Variants in ZNF570 observed in about 807,000 individuals in gnomAD.
ZNF570 encodes the protein zinc finger protein 570.
In ZNF570, 8 loss-of-function variants were observed where a neutral mutation model predicts 14.2. The observed-to-expected ratio is 0.56, with a 90% CI of 0.33 to 1.02. ZNF570 has a LOEUF of 1.02. Among genes scored for constraint, ZNF570 ranks in the 50% least tolerant of loss-of-function variants. ZNF570 has a pLI of 0.03. For synonymous variants in ZNF570, 202 were observed against 207.6 expected, an observed-to-expected ratio of 0.97 and a Z score of 0.23; for missense variants, 559 against 624.9, an observed-to-expected ratio of 0.89 and a Z score of 1.12.
upstream of ZNF570, chr19:37,469,331 C>T (rs2041912162): frequency 2.8e-6 from 4 of 1,418,588 alleles, no homozygotes; most frequent in Middle Eastern, 1.9e-4. Context: ...CCTTTGTGTC[C>T]TCCGGGGGCG....
At position 37,484,174 on chromosome 19, in the gene ZNF570, C is replaced by G. The variant is rs773936496; in HGVS notation, c.552C>G (p.Pro184=). 1 of 1,613,600 alleles carries G rather than the reference C, an allele frequency of 6.2e-7. No homozygotes were observed. The highest frequency in any genetic ancestry group is 1.1e-5 in the South Asian group (1 of 91,018). The change falls in exon 5 of 5, where the codon CCC becomes CCG. Residue 184 remains proline, a synonymous_variant. Transcript: ENST00000330173. ...NPLLCTQKII[P]KEEKVHKHDT... is the part of the protein sequence containing the mutation. ...TGCTTTGTACACAAAAGATAATCCC[C>G]AAAGAGGAGAAAGTACATAAACATG...
intron 4 of ZNF570, among the ~76,000 whole-genome samples, chr19:37,482,815 T>TTCTCTCTC (rs35690455): frequency 7.1e-6 from 1 of 141,624 alleles, no homozygotes; most frequent in African/African-American, 2.6e-5. Context: ...TTCCCCTGCT[T>TTCTCTCTC]TCTCTCTCTC....
At chr19:37,467,908 C>A (rs1471503398), upstream of ZNF570, 4 of 1,535,952 alleles carry the variant, frequency 2.6e-6, no homozygotes, top group Non-Finnish European at 3.5e-6. Flanking sequence ...TGTATTTGTT[C>A]TTTCTGGACT....
chr19:37,483,407 A>G (rs977408682), intron 4 of ZNF570, among the ~76,000 whole-genome samples: 1 of 152,238 alleles, frequency 6.6e-6, no homozygotes, highest in African/African-American at 2.4e-5. Context: ...ATCTTCTAAC[A>G]TAAAATGAAA....
At chr19:37,482,117 C>T (rs1004531420) in intron 4 of ZNF570, among the ~76,000 whole-genome samples, 2 of 152,136 alleles carry the variant, frequency 1.3e-5, no homozygotes, top group Admixed American at 1.3e-4. Flanking sequence ...ATTTCCTCCT[C>T]GTTTAAGGCT....
chr19:37,488,003 C>T lies in ZNF570; in HGVS notation c.*2770C>T, dbSNP rs1292724916. 2.6e-5 allele frequency: 4 copies of T among 152,202 alleles called. No homozygotes were observed. Among genetic ancestry groups the T allele is most frequent in the Non-Finnish European group, 5.9e-5 (4 of 68,034 alleles). The allele number at this position is 152,202 out of a possible 1,614,324, so 9.4% of individuals were successfully genotyped here. A position where few individuals can be genotyped will look rare whatever the true frequency, so the allele number is the denominator to read the frequency against. On this transcript the variant is annotated 3_prime_UTR_variant, in exon 5 of 5. Transcript: ENST00000330173. Reference sequence around the variant, plus strand: ...CTGGAAAGATGTGGAGCAATAGGAACACTCATACGGTGCTATAGGAAGTAG... The same window carrying T: ...CTGGAAAGATGTGGAGCAATAGGAATACTCATACGGTGCTATAGGAAGTAG...
In ZNF570 at chr19:37,485,452, G is replaced by A. The variant is rs533825725; in HGVS notation, c.*219G>A. On this transcript the variant is annotated 3_prime_UTR_variant, in exon 5 of 5. Coordinates refer to ENST00000330173, the MANE Select transcript of ZNF570 (RefSeq NM_144694.5). ...AGACAATGTCTTGCTGTGTTGCCCA[G>A]GCTGGAGTACAGTGGGACGATCTCA... The A allele has an allele frequency of 1.0e-4, 47 of 461,020 alleles. No homozygotes were observed. The South Asian group carries it at 1.9e-3, about 19-fold the overall frequency. The allele number at this position is 461,020 out of a possible 1,614,324, so 28.6% of individuals were successfully genotyped here.
chr19:37,468,069 G>GTT (rs1360984256), upstream of ZNF570: 1 of 668,752 alleles, frequency 1.5e-6, no homozygotes, highest in East Asian at 3.0e-5. Context: ...TATGCCTTTC[G>GTT]TGTTTTTTTT....
At chr19:37,474,970 T>G (rs2042007260) in intron 2 of ZNF570, among the ~76,000 whole-genome samples, 1 of 149,942 alleles carries the variant, frequency 6.7e-6, no homozygotes, top group African/African-American at 2.5e-5. Context: ...TGTTTTTGTT[T>G]TTTTTTTTTT....
At chr19:37,475,224 A>T (rs538548150) in intron 2 of ZNF570, among the ~76,000 whole-genome samples, 1 of 151,950 alleles carries the variant, frequency 6.6e-6, no homozygotes, top group East Asian at 1.9e-4. Context: ...TTGGCCTCCC[A>T]AAGTGCTGGG....
intron 1 of ZNF570, 180 bp downstream of exon 1, chr19:37,469,737 G>C (rs2041923170): frequency 3.0e-6 from 2 of 672,988 alleles, no homozygotes. Flanking sequence ...TGGGTTGTGA[G>C]ATTGTCGCTT....
rs2042115071 is a variant in ZNF570, at chr19:37,483,914, C to A, written c.292C>A (p.Pro98Thr). Reference protein sequence around the residue: ...EPICETEELTPKQDFYEEHQS... With the variant: ...EPICETEELTTKQDFYEEHQS... ...TATATGTGAGACTGAAGAATTAACC[C>A]CAAAGCAGGATTTTTATGAAGAACA... Residue 98 changes from proline (P) to threonine (T), a missense_variant, in exon 5 of 5, where the codon CCA (proline) becomes ACA (threonine). Pro to Thr is a conservative substitution (Grantham distance 38). Transcript: ENST00000330173. 2.5e-6 allele frequency: 4 copies of A among 1,612,602 alleles called. No homozygotes were observed. In the East Asian group the frequency reaches 8.9e-5, roughly 36 times the overall value.
At chr19:37,475,066 C>A (rs1006419846) in intron 2 of ZNF570, among the ~76,000 whole-genome samples, 1 of 151,424 alleles carries the variant, frequency 6.6e-6, no homozygotes, top group Non-Finnish European at 1.5e-5. Flanking sequence ...TGGGTTCAAG[C>A]GATTCTCCTG....
At chr19:37,481,121 TAGA>T (rs2042082853) in intron 4 of ZNF570, among the ~76,000 whole-genome samples, 1 of 152,136 alleles carries the variant, frequency 6.6e-6, no homozygotes, top group Non-Finnish European at 1.5e-5. Flanking sequence ...CTGTCATGCA[TAGA>T]AGAAGCTTTC....
At chr19:37,469,689 G>A in intron 1 of ZNF570, 132 bp downstream of exon 1, 3 of 953,000 alleles carry the variant, frequency 3.1e-6, no homozygotes, top group Non-Finnish European at 4.7e-6. Context: ...ACTGTTCGCT[G>A]CACCTTGTTG....
intron 4 of ZNF570, among the ~76,000 whole-genome samples, chr19:37,478,014 A>G (rs1014181779): frequency 3.3e-5 from 5 of 152,208 alleles, no homozygotes; most frequent in Non-Finnish European, 7.3e-5. Context: ...TCTGCTAGGG[A>G]AAATCTCTAC....
chr19:37,486,503 T>C lies in ZNF570; in HGVS notation c.*1270T>C, dbSNP rs2147029512. 6.6e-6 allele frequency: 1 copy of C among 152,310 alleles called. No homozygotes were observed. Among genetic ancestry groups the C allele is most frequent in the Non-Finnish European group, 1.5e-5 (1 of 68,028 alleles). The allele number at this position is 152,310 out of a possible 1,614,324, so 9.4% of individuals were successfully genotyped here. A position where few individuals can be genotyped will look rare whatever the true frequency, so the allele number is the denominator to read the frequency against. On this transcript the variant is annotated 3_prime_UTR_variant, in exon 5 of 5. Transcript: ENST00000330173. ...ATAGCAGATATTCAATAAATGATAA[T>C]AGCTAACATGTATTGAGTGCCCACT...
rs918345802 is a variant in ZNF570, at chr19:37,486,725, T to G, written c.*1492T>G. The G allele has an allele frequency of 3.3e-5, 5 of 152,244 alleles. No homozygotes were observed. The highest frequency in any genetic ancestry group is 1.2e-4 in the African/African-American group (5 of 41,472). 9.4% of individuals were successfully genotyped at this position (152,244 alleles called of 1,614,324 possible). On this transcript the variant is annotated 3_prime_UTR_variant, in exon 5 of 5. Coordinates refer to ENST00000330173, the MANE Select transcript of ZNF570 (RefSeq NM_144694.5). ...TTGTTATGAAGTCAGGTAGTGGAAC[T>G]ATAACACTGACAGCCAGTTTTAGGA...
Position 37,476,110 on chromosome 19 carries a change from C to G in ZNF570, c.160+103C>G, listed in dbSNP as rs2042020610. ...ATATCTGCAAAATTTGGCTGAATGT[C>G]TGCTGCCTATGCCAAACAAATGGCT... On this transcript the variant is annotated intron_variant, in intron 3 of 4. Transcript: ENST00000330173. 7.1e-5 allele frequency: 106 copies of G among 1,482,886 alleles called. No individual in the cohort carries two copies. In the South Asian group the frequency reaches 1.4e-3, roughly 20 times the overall value. 91.9% of individuals were successfully genotyped at this position (1,482,886 alleles called of 1,614,324 possible). A position where few individuals can be genotyped will look rare whatever the true frequency, so the allele number is the denominator to read the frequency against.
Sources: allele counts gnomAD v4.1 joint callset (sites outside exome capture counted in the v4.1 genomes callset), GRCh38; gene constraint gnomAD v4.1.1; transcripts MANE v1.5; gene names NCBI Gene and HGNC (gene_info 2026-07-23, HGNC 2026-07-21).